Variants in TWIST2 observed in about 807,000 individuals in gnomAD.
TWIST2 encodes twist-related protein 2.
Under a neutral mutation model 11.6 loss-of-function variants are expected in TWIST2, and 1 was observed. The ratio of observed to expected loss-of-function variants is 0.09; its 90% CI spans 0.03 to 0.41. The LOEUF (loss-of-function observed/expected upper bound fraction) is 0.41, where lower values mean the gene tolerates loss of function less well. Ranked by LOEUF, TWIST2 falls within the 10% of genes least tolerant of loss-of-function variation. The pLI, the probability that TWIST2 is intolerant of heterozygous loss-of-function variation, is 0.98. For synonymous variants in TWIST2, 87 were observed against 96.6 expected (o/e 0.90, Z 0.58); for missense variants, 168 against 226.4 (o/e 0.74, Z 1.66).
chr2:238,871,387 C>G (rs1242296620), intron 1 of TWIST2, among the ~76,000 whole-genome samples: 3 of 72,154 alleles, frequency 4.2e-5, no homozygotes, highest in African/African-American at 1.6e-4. Context: ...ACCACACACC[C>G]CATGCACACA....
intron 1 of TWIST2, among the ~76,000 whole-genome samples, chr2:238,854,812 G>T (rs928174436): frequency 4.6e-5 from 7 of 152,204 alleles, no homozygotes; most frequent in Admixed American, 4.6e-4. Flanking sequence ...GGCCAGTCAT[G>T]TACAATCTCG....
intron 1 of TWIST2, among the ~76,000 whole-genome samples, chr2:238,877,258 T>TGGAGCTGCAG (rs1362886888): frequency 6.6e-6 from 1 of 152,144 alleles, no homozygotes; most frequent in African/African-American, 2.4e-5. Flanking sequence ...TCAGCAGGTT[T>TGGAGCTGCAG]CTCGCCAGTA....
intron 1 of TWIST2, among the ~76,000 whole-genome samples, chr2:238,895,852 C>T (rs903661332): frequency 7.2e-5 from 11 of 152,266 alleles, no homozygotes; most frequent in African/African-American, 2.6e-4. Flanking sequence ...CCGGCCTGGT[C>T]CGCTGCAGAC....
At chr2:238,868,278 G>A (rs1260085794) in intron 1 of TWIST2, among the ~76,000 whole-genome samples, 1 of 152,206 alleles carries the variant, frequency 6.6e-6, no homozygotes, top group Non-Finnish European at 1.5e-5. Flanking sequence ...AGACAAGCTG[G>A]TGAGCTCCAG....
At chr2:238,874,371 C>T (rs1357085189) in intron 1 of TWIST2, among the ~76,000 whole-genome samples, 1 of 152,182 alleles carries the variant, frequency 6.6e-6, no homozygotes, top group Non-Finnish European at 1.5e-5. Flanking sequence ...CTCTTTAGTT[C>T]CATGTTATCG....
At chr2:238,889,914 G>A (rs190499562) in intron 1 of TWIST2, among the ~76,000 whole-genome samples, 4 of 152,224 alleles carry the variant, frequency 2.6e-5, no homozygotes, top group Admixed American at 6.5e-5. Flanking sequence ...CCCACATGTC[G>A]GCGAGGGTGC....
intron 1 of TWIST2, among the ~76,000 whole-genome samples, chr2:238,881,065 TGTTA>T (rs1328997808): frequency 1.1e-4 from 10 of 91,992 alleles, no homozygotes; most frequent in Non-Finnish European, 1.9e-4. Flanking sequence ...TCAGTGTTAG[TGTTA>T]GTGTCAGCAT....
chr2:238,861,043 G>A (rs942414449), intron 1 of TWIST2, among the ~76,000 whole-genome samples: 6 of 152,184 alleles, frequency 3.9e-5, no homozygotes, highest in Non-Finnish European at 8.8e-5. Context: ...AGGTGCAAAG[G>A]GAAAGAGATT....
In TWIST2 at chr2:238,848,326, G is replaced by C. The variant is rs919580692; in HGVS notation, c.111G>C (p.Lys37Asn). 19 of 1,534,612 alleles carry C rather than the reference G, an allele frequency of 1.2e-5. No individual in the cohort carries two copies. Among genetic ancestry groups the C allele is most frequent in the Non-Finnish European group, 1.5e-5 (17 of 1,146,164 alleles). The change falls in exon 1 of 2, where the codon AAG becomes AAC. Residue 37 changes from lysine (K) to asparagine (N), a missense_variant. Coordinates refer to ENST00000612363, the MANE Select transcript of TWIST2 (RefSeq NM_001271893.4). ...TCGGCCGGAAGCGGCGCTACAGCAA[G>C]AAGTCGAGCGAAGATGGCAGCCCGA... ...KRFGRKRRYS[K>N]KSSEDGSPTP...
intron 1 of TWIST2, among the ~76,000 whole-genome samples, chr2:238,858,055 C>T (rs1692362646): frequency 6.6e-6 from 1 of 152,190 alleles, no homozygotes; most frequent in Non-Finnish European, 1.5e-5. Flanking sequence ...GTACCAGGCT[C>T]TTGGACAATC....
intron 1 of TWIST2, among the ~76,000 whole-genome samples, chr2:238,886,493 G>A (rs1693040500): frequency 1.3e-5 from 2 of 152,112 alleles, no homozygotes; most frequent in South Asian, 4.2e-4. Flanking sequence ...CCTTAAAGAT[G>A]AGCCCATGTG....
At chr2:238,851,155 T>C (rs1159588199) in intron 1 of TWIST2, among the ~76,000 whole-genome samples, 2 of 152,232 alleles carry the variant, frequency 1.3e-5, no homozygotes, top group Non-Finnish European at 2.9e-5. Context: ...ATGTGGGATG[T>C]TTTCACGTAT....
intron 1 of TWIST2, among the ~76,000 whole-genome samples, chr2:238,894,001 G>C (rs1031167528): frequency 6.6e-6 from 1 of 151,946 alleles, no homozygotes; most frequent in Non-Finnish European, 1.5e-5. Context: ...CTCTCCCTCC[G>C]CTTGCCCCTA....
At chr2:238,852,811 T>C (rs1028687720) in intron 1 of TWIST2, among the ~76,000 whole-genome samples, 1 of 152,220 alleles carries the variant, frequency 6.6e-6, no homozygotes. Flanking sequence ...AGTGAAGATA[T>C]GAGAATCTCT....
intron 1 of TWIST2, among the ~76,000 whole-genome samples, chr2:238,885,297 A>T (rs542957392): frequency 6.6e-6 from 1 of 152,306 alleles, no homozygotes; most frequent in East Asian, 1.9e-4. Flanking sequence ...GCCACACAGT[A>T]CCTGGCCAAA....
In TWIST2 at chr2:238,903,015, T is replaced by C. The variant is rs1446048749; in HGVS notation, c.*36-6827T>C. On this transcript the variant is annotated intron_variant, in intron 1 of 1. Transcript: ENST00000612363. ...GGGTATGTGCGTGATGTGAGGTGTG[T>C]GTGATGTGGGTGTGTGTGATGTGTG... Among the ~76,000 whole-genome samples, 2 of 5,752 alleles carry C rather than the reference T, an allele frequency of 3.5e-4. 1 individual carries two copies. Among genetic ancestry groups the C allele is most frequent in the Non-Finnish European group, 6.6e-4 (2 of 3,028 alleles). 3.8% of individuals were successfully genotyped at this position (5,752 alleles called of 152,430 possible).
chr2:238,908,753 G>A (rs1693399793), intron 1 of TWIST2, among the ~76,000 whole-genome samples: 1 of 151,930 alleles, frequency 6.6e-6, no homozygotes, highest in Non-Finnish European at 1.5e-5. Flanking sequence ...TGGTGTGTTT[G>A]TGTGTGGTAT....
At chr2:238,903,441 GGGTGTGGGTCTAATGTGA>G (rs1693303636) in intron 1 of TWIST2, among the ~76,000 whole-genome samples, 6 of 141,822 alleles carry the variant, frequency 4.2e-5, no homozygotes, top group South Asian at 2.4e-4. Flanking sequence ...GTGTGATGTG[GGGTGTGGGTCTAATGTGA>G]GGTGTGTGTG....
At chr2:238,886,086 A>G (rs993629953) in intron 1 of TWIST2, among the ~76,000 whole-genome samples, 5 of 116,666 alleles carry the variant, frequency 4.3e-5, no homozygotes, top group African/African-American at 1.6e-4. Flanking sequence ...ACAGAGTGAG[A>G]CTCCATCTCA....
Sources: allele counts gnomAD v4.1 joint callset (sites outside exome capture counted in the v4.1 genomes callset), GRCh38; gene constraint gnomAD v4.1.1; transcripts MANE v1.5; gene names NCBI Gene and HGNC (gene_info 2026-07-23, HGNC 2026-07-21).